Variants in SETX observed in about 807,000 individuals in gnomAD.
The protein encoded by SETX is helicase senataxin.
In SETX, 90 loss-of-function variants were observed where a neutral mutation model predicts 227.2. That is an observed-to-expected ratio of 0.40 (90% CI 0.33 to 0.47). The LOEUF is 0.47. SETX is among the 20% of genes least tolerant of loss of function. The pLI is 0.91. For synonymous variants in SETX, 1,210 were observed against 1,113.2 expected, an observed-to-expected ratio of 1.09 and a Z score of -1.73; for missense variants, 3,052 against 3,181.5, an observed-to-expected ratio of 0.96 and a Z score of 0.98.
At position 132,277,156 on chromosome 9, in the gene SETX, T is replaced by TA. The variant is rs34769225; in HGVS notation, c.6843-5dup. 0.19 allele frequency: 262,801 copies of TA among 1,356,018 alleles called. 2,626 individuals carry two copies. Among genetic ancestry groups the TA allele is most frequent in the East Asian group, 0.38 (15,547 of 41,086 alleles). 84.0% of individuals were successfully genotyped at this position (1,356,018 alleles called of 1,614,324 possible). A position where few individuals can be genotyped will look rare whatever the true frequency, so the allele number is the denominator to read the frequency against. On this transcript the variant is annotated splice_region_variant and splice_polypyrimidine_tract_variant and intron_variant, in intron 21 of 25. Coordinates refer to ENST00000224140, the MANE Select transcript of SETX (RefSeq NM_015046.7). ...ACATCGAATGGCTTCTGTCTGTCTG[T>TA]AAAAAAAAAAAAGCAGTCAACATTC...
chr9:132,275,420 G>C lies in SETX; in HGVS notation c.6936C>G (p.Asp2312Glu), dbSNP rs1843112623. 6.3e-7 allele frequency: 1 copy of C among 1,593,320 alleles called. No homozygotes were observed. The highest frequency in any genetic ancestry group is 8.6e-7 in the Non-Finnish European group (1 of 1,162,600). ...TTATTTCTTGAACATTTATATATGA[G>C]CTAAACAAGATGGAAAAAGAAAACA... The part of the protein sequence containing the change: ...VGDGSERRDN[D>E]SYINVQEIKL... The change falls in exon 23 of 26, where the codon GAC becomes GAG. Residue 2312 changes from aspartate (D) to glutamate (E), a missense_variant and splice_region_variant. Asp to Glu is a conservative substitution (Grantham distance 45). Coordinates refer to ENST00000224140, the MANE Select transcript of SETX (RefSeq NM_015046.7).
chr9:132,305,029 A>T (rs963181625), intron 11 of SETX, among the ~76,000 whole-genome samples: 1 of 150,774 alleles, frequency 6.6e-6, no homozygotes, highest in Non-Finnish European at 1.5e-5. Context: ...TGAATTAAAC[A>T]TATTAGCTAC....
Position 132,263,928 on chromosome 9 carries a change from A to G in SETX, c.*311T>C. 2.6e-6 allele frequency: 1 copy of G among 383,726 alleles called. No individual in the cohort carries two copies. The highest frequency in any genetic ancestry group is 5.3e-5 in the East Asian group (1 of 18,874). 23.8% of individuals were successfully genotyped at this position (383,726 alleles called of 1,614,324 possible). The stretch of plus-strand genomic sequence containing the variant: ...AAAGGATTTTGTTATTTGCTATACA[A>G]ATATACATTTCAACTTTTACAACAT... On this transcript the variant is annotated 3_prime_UTR_variant, in exon 26 of 26. Transcript: ENST00000224140.
chr9:132,347,152 T>C (rs759386090), intron 3 of SETX, among the ~76,000 whole-genome samples: 2 of 151,500 alleles, frequency 1.3e-5, no homozygotes, highest in Non-Finnish European at 2.9e-5. Flanking sequence ...TTCGGGAGGC[T>C]GAAGCAGGAG....
intron 10 of SETX, among the ~76,000 whole-genome samples, chr9:132,323,580 AGTTACAATATGGACAT>A (rs746462203): frequency 2.7e-4 from 41 of 152,198 alleles, no homozygotes; most frequent in African/African-American, 6.0e-4. Context: ...AAAATCAAGG[AGTTACAATATGGACAT>A]GTTATTCAGA....
intron 12 of SETX, among the ~76,000 whole-genome samples, chr9:132,298,677 G>GC (rs757902661): frequency 1.3e-5 from 2 of 152,140 alleles, no homozygotes; most frequent in Non-Finnish European, 2.9e-5. Flanking sequence ...TCAGCAGAGG[G>GC]TAAATAGTAC....
Position 132,329,706 on chromosome 9 carries a change from G to C in SETX, c.1892C>G (p.Ser631Cys). 1 of 1,614,062 alleles carries C rather than the reference G, an allele frequency of 6.2e-7. No individual in the cohort carries two copies. The highest frequency in any genetic ancestry group is 8.5e-7 in the Non-Finnish European group (1 of 1,180,008). Residue 631 changes from serine (S) to cysteine (C), a missense_variant, in exon 10 of 26, where the codon TCT becomes TGT. Physicochemically the swap from Ser to Cys is moderately radical, Grantham distance 112 (BLOSUM62 -1). Coordinates refer to ENST00000224140, the MANE Select transcript of SETX (RefSeq NM_015046.7). The part of the protein sequence containing the change: ...KEESEQMGKT[S>C]RKDMHCLEAS... ...TTCCAAACAATGCATATCTTTTCTA[G>C]ACGTCTTCCCCATTTGTTCACTTTC...
At chr9:132,335,008 C>G (rs1847499176) in intron 6 of SETX, among the ~76,000 whole-genome samples, 1 of 150,966 alleles carries the variant, frequency 6.6e-6, no homozygotes, top group African/African-American at 2.5e-5. Flanking sequence ...TAAGATGTAC[C>G]ATATTCCATA....
chr9:132,303,511 T>C lies in SETX; in HGVS notation c.5375-2708A>G, dbSNP rs112386408. On this transcript the variant is annotated intron_variant, in intron 11 of 25. Transcript: ENST00000224140. ...GCTTCTTAGGATACAAAAAGCATTT[T>C]GATGGGATGCCATCAAAATCAAAAC... 2.8e-3 allele frequency among the ~76,000 whole-genome samples: 425 copies of C among 151,798 alleles called. 4 individuals are homozygous for C. Among genetic ancestry groups the C allele is most frequent in the African/African-American group, 0.01 (416 of 41,472 alleles).
At chr9:132,338,777 GAGAA>G in intron 5 of SETX, among the ~76,000 whole-genome samples, 2 of 151,606 alleles carry the variant, frequency 1.3e-5, no homozygotes, top group Middle Eastern at 3.4e-3. Context: ...TTATTTTTTT[GAGAA>G]AGAGTCTCAC....
At chr9:132,266,006 T>C (rs7019768) in intron 25 of SETX, 27,686 of 152,096 alleles carry the variant, frequency 0.18, 3,209 homozygotes, top group East Asian at 0.42. Context: ...TCGGGAAAGT[T>C]GCCAAACACA....
chr9:132,322,070 G>A (rs1043690627), intron 10 of SETX, among the ~76,000 whole-genome samples: 3 of 152,178 alleles, frequency 2.0e-5, no homozygotes, highest in African/African-American at 2.4e-5. Context: ...CTGCTATGGC[G>A]CCCTTCAGAT....
At position 132,327,135 on chromosome 9, in the gene SETX, C is replaced by T; in HGVS notation, c.4463G>A (p.Ser1488Asn). ...TAAGTTATCTTCCTCTGCATCACTGCTGGAGTCAGGCTCTCCTTCTTTCAA... is the reference window on the plus strand; with the variant it reads ...TAAGTTATCTTCCTCTGCATCACTGTTGGAGTCAGGCTCTCCTTCTTTCAA... ...AALKEGEPDS[S>N]SDAEEDNLFL... The change falls in exon 10 of 26, where the codon AGC (serine) becomes AAC (asparagine). Residue 1488 changes from serine to asparagine, a missense_variant. Ser to Asn is a conservative substitution (Grantham distance 46). Coordinates refer to ENST00000224140, the MANE Select transcript of SETX (RefSeq NM_015046.7). The T allele has an allele frequency of 6.2e-7, 1 of 1,614,200 alleles. No individual in the cohort carries two copies. Among genetic ancestry groups the T allele is most frequent in the Non-Finnish European group, 8.5e-7 (1 of 1,180,044 alleles).
At chr9:132,282,904 T>C (rs1843625143) in intron 19 of SETX, 1 of 330,554 alleles carries the variant, frequency 3.0e-6, no homozygotes, top group Non-Finnish European at 5.9e-6. Context: ...AAGAGTGAAC[T>C]AGGAATAAAA....
At chr9:132,324,401 C>T (rs1488359577) in intron 10 of SETX, among the ~76,000 whole-genome samples, 1 of 151,878 alleles carries the variant, frequency 6.6e-6, no homozygotes, top group Non-Finnish European at 1.5e-5. Context: ...ACAGTGTTAA[C>T]AACTCACTTC....
intron 10 of SETX, among the ~76,000 whole-genome samples, chr9:132,323,760 G>A (rs1016072723): frequency 3.3e-5 from 5 of 152,000 alleles, no homozygotes; most frequent in African/African-American, 1.2e-4. Context: ...AAAATTAGCT[G>A]GACATTATGG....
Position 132,331,141 on chromosome 9 carries a change from T to C in SETX, c.1011-2A>G. On this transcript the variant is annotated splice_acceptor_variant, in intron 8 of 25. Transcript: ENST00000224140. LOFTEE classifies it high-confidence loss of function. ...TAGGACTCCGGTTCTAACTTGGTCC[T>C]TAAATATTAAGAATAAATAGAAATT... 1.2e-6 allele frequency: 2 copies of C among 1,612,716 alleles called. No individual in the cohort carries two copies. The highest frequency in any genetic ancestry group is 1.7e-6 in the Non-Finnish European group (2 of 1,178,856).
At chr9:132,268,086 G>A (rs1339814486) in intron 25 of SETX, among the ~76,000 whole-genome samples, 1 of 152,178 alleles carries the variant, frequency 6.6e-6, no homozygotes. Context: ...GTGTTAACAG[G>A]CTATTCAATT....
At chr9:132,333,293 C>T (rs1393600376) in intron 7 of SETX, among the ~76,000 whole-genome samples, 2 of 149,636 alleles carry the variant, frequency 1.3e-5, no homozygotes, top group East Asian at 2.0e-4. Flanking sequence ...GCAGGAGAAT[C>T]GCTTGAACCC....
Sources: allele counts gnomAD v4.1 joint callset (sites outside exome capture counted in the v4.1 genomes callset), GRCh38; gene constraint gnomAD v4.1.1; transcripts MANE v1.5; gene names NCBI Gene and HGNC (gene_info 2026-07-23, HGNC 2026-07-21).